The following GRID2 variants were observed in gnomAD, a reference collection of about 807,000 sequenced individuals.
GRID2 encodes glutamate receptor ionotropic, delta-2.
A neutral mutation model predicts 114.8 loss-of-function variants in GRID2; 33 were observed. The observed-to-expected ratio is 0.29, with a 90% CI of 0.22 to 0.38. The LOEUF (loss-of-function observed/expected upper bound fraction) is 0.38. Ranked by LOEUF, GRID2 falls within the 10% of genes least tolerant of loss-of-function variation. The pLI, the probability that GRID2 is intolerant of heterozygous loss-of-function variation, is 1.00. For missense variants in GRID2, 1,184 were observed against 1,257.7 expected (o/e 0.94, Z 0.89); for synonymous variants, 505 against 449.9 (o/e 1.12, Z -1.55).
chr4:93,127,862 A>G lies in GRID2; in HGVS notation c.735+16909A>G, dbSNP rs551333470. ...GAGACCCTATCTCTACAAAAAAATT[A>G]AAAGTTATAATAGCTGGGTATGGTG... On this transcript the variant is annotated intron_variant, in intron 4 of 15. Coordinates refer to ENST00000282020, the MANE Select transcript of GRID2 (RefSeq NM_001510.4). 1.1e-4 allele frequency among the ~76,000 whole-genome samples: 17 copies of G among 151,526 alleles called. No individual in the cohort carries two copies. In the South Asian group the frequency reaches 3.6e-3, roughly 32 times the overall value.
chr4:93,602,541 T>C (rs1165988064), intron 13 of GRID2, among the ~76,000 whole-genome samples: 1 of 152,208 alleles, frequency 6.6e-6, no homozygotes, highest in African/African-American at 2.4e-5. Context: ...AGTGATCTGT[T>C]ACCAGTGATA....
At chr4:93,794,113 G>A (rs1734749422) in intron 1 of GRID2, among the ~76,000 whole-genome samples, 1 of 151,916 alleles carries the variant, frequency 6.6e-6, no homozygotes, top group East Asian at 1.9e-4. Context: ...TGTTTCCATT[G>A]TGAGTGCTTC....
intron 4 of GRID2, among the ~76,000 whole-genome samples, chr4:93,191,674 C>T (rs1377205402): frequency 6.6e-6 from 1 of 151,768 alleles, no homozygotes; most frequent in African/African-American, 2.4e-5. Context: ...TTCTTTTTGT[C>T]ACATCAAGAT....
intron 2 of GRID2, among the ~76,000 whole-genome samples, chr4:92,956,732 C>A (rs1752436994): frequency 6.6e-6 from 1 of 152,152 alleles, no homozygotes; most frequent in Non-Finnish European, 1.5e-5. Flanking sequence ...AAGAAGCTGC[C>A]TGTTTTTCAT....
At chr4:92,899,141 A>G (rs1412426203) in intron 2 of GRID2, among the ~76,000 whole-genome samples, 1 of 152,154 alleles carries the variant, frequency 6.6e-6, no homozygotes, top group African/African-American at 2.4e-5. Context: ...ATTCTGTTAA[A>G]TGGTCAAACA....
At chr4:93,279,301 A>G (rs1222720966) in intron 8 of GRID2, among the ~76,000 whole-genome samples, 1 of 151,870 alleles carries the variant, frequency 6.6e-6, no homozygotes, top group Non-Finnish European at 1.5e-5. Flanking sequence ...CACTACGAGT[A>G]CACAAAATAC....
rs138709441 is a variant in GRID2 at position 92,417,350 on chromosome 4, A to G, written c.88+112606A>G. On this transcript the variant is annotated intron_variant, in intron 1 of 15. Coordinates refer to ENST00000282020, the MANE Select transcript of GRID2 (RefSeq NM_001510.4). ...AAAAGTAATCCCAAAGACAATTGTT[A>G]TGGTTTGACTATGTTCCCCAAAATT... Among the ~76,000 whole-genome samples, 435 of 152,178 alleles carry G rather than the reference A, an allele frequency of 2.9e-3. 1 individual carries two copies. Among genetic ancestry groups the G allele is most frequent in the African/African-American group, 9.9e-3 (412 of 41,542 alleles).
At chr4:93,727,806 T>G (rs1730078342) in intron 14 of GRID2, among the ~76,000 whole-genome samples, 1 of 152,240 alleles carries the variant, frequency 6.6e-6, no homozygotes, top group African/African-American at 2.4e-5. Context: ...GATGGTAGTT[T>G]GTATTTCTGG....
At chr4:92,512,493 T>G (rs186693670) in intron 1 of GRID2, among the ~76,000 whole-genome samples, 14 of 152,036 alleles carry the variant, frequency 9.2e-5, no homozygotes. Context: ...GAATTATTTG[T>G]CACTATGTCC....
At chr4:93,403,773 T>C (rs1292992497) in intron 9 of GRID2, among the ~76,000 whole-genome samples, 1 of 152,164 alleles carries the variant, frequency 6.6e-6, no homozygotes, top group African/African-American at 2.4e-5. Context: ...GATACATTGC[T>C]GGTAGGAATG....
At chr4:93,414,752 T>C (rs1414093497) in intron 9 of GRID2, among the ~76,000 whole-genome samples, 1 of 150,402 alleles carries the variant, frequency 6.6e-6, no homozygotes, top group Non-Finnish European at 1.5e-5. Flanking sequence ...AATGTAGGTC[T>C]AGAAGAATAG....
intron 13 of GRID2, among the ~76,000 whole-genome samples, chr4:93,541,595 G>T (rs763605227): frequency 6.4e-5 from 9 of 140,244 alleles, no homozygotes; most frequent in African/African-American, 2.5e-4. Flanking sequence ...CAAACATTTT[G>T]TAGTCATTTA....
At chr4:93,764,467 T>C (rs1733467488) in intron 14 of GRID2, among the ~76,000 whole-genome samples, 1 of 152,152 alleles carries the variant, frequency 6.6e-6, no homozygotes, top group Admixed American at 6.5e-5. Flanking sequence ...ACAATAGTGA[T>C]ACATGTGACA....
chr4:92,780,783 T>C (rs945732284), intron 2 of GRID2, among the ~76,000 whole-genome samples: 45 of 152,242 alleles, frequency 3.0e-4, no homozygotes, highest in African/African-American at 8.9e-4. Context: ...TCATGCATGA[T>C]AATAAAAAGC....
intron 2 of GRID2, among the ~76,000 whole-genome samples, chr4:92,981,959 A>G (rs1041840093): frequency 1.3e-5 from 2 of 150,608 alleles, no homozygotes; most frequent in African/African-American, 4.9e-5. Context: ...CTGTGCTGAC[A>G]TATGGGAAAT....
chr4:92,620,594 G>T (rs1560493870), intron 2 of GRID2, among the ~76,000 whole-genome samples: 1 of 150,598 alleles, frequency 6.6e-6, no homozygotes. Flanking sequence ...GTAAATGGTA[G>T]TTCATATTTA....
chr4:93,380,906 G>A (rs982198005), intron 8 of GRID2, among the ~76,000 whole-genome samples: 3 of 151,992 alleles, frequency 2.0e-5, no homozygotes, highest in East Asian at 1.9e-4. Context: ...GCGCTCACTG[G>A]GATAGTTCAA....
intron 9 of GRID2, among the ~76,000 whole-genome samples, chr4:93,411,052 C>T (rs1767080624): frequency 6.6e-6 from 1 of 152,010 alleles, no homozygotes; most frequent in Non-Finnish European, 1.5e-5. Context: ...TCCACGAGTA[C>T]TATTGAAAAA....
chr4:92,618,627 C>T (rs1730121254), intron 2 of GRID2, among the ~76,000 whole-genome samples: 1 of 151,666 alleles, frequency 6.6e-6, no homozygotes, highest in African/African-American at 2.4e-5. Context: ...TCTTCCTATC[C>T]ATAAGTATGG....
Sources: allele counts gnomAD v4.1 joint callset (sites outside exome capture counted in the v4.1 genomes callset), GRCh38; gene constraint gnomAD v4.1.1; transcripts MANE v1.5; gene names NCBI Gene and HGNC (gene_info 2026-07-23, HGNC 2026-07-21).